The following SVIL variants were observed in gnomAD, a reference collection of about 807,000 sequenced individuals.
SVIL encodes archvillin.
SVIL carries 101 observed loss-of-function variants against 240.4 expected under a neutral mutation model. That is an observed-to-expected ratio of 0.42 (90% CI 0.36 to 0.50). The LOEUF is 0.50. SVIL is among the 20% of genes least tolerant of loss of function. The pLI is 0.01. For synonymous variants in SVIL, 999 were observed against 1,100.0 expected (o/e 0.91, Z 1.82); for missense variants, 2,512 against 2,818.7 (o/e 0.89, Z 2.46).
chr10:29,719,446 C>A (rs1389957266), intron 1 of SVIL, among the ~76,000 whole-genome samples: 1 of 152,176 alleles, frequency 6.6e-6, no homozygotes, highest in Non-Finnish European at 1.5e-5. Flanking sequence ...TCCATCCCCC[C>A]AGAAGATAAC....
intron 27 of SVIL, chr10:29,483,048 C>T (rs1947054300): frequency 6.6e-6 from 1 of 152,220 alleles, no homozygotes; most frequent in African/African-American, 2.4e-5. Flanking sequence ...ACCTCATGCT[C>T]TTATGGGACT....
Position 29,524,474 on chromosome 10 carries a change from G to T in SVIL, c.2584C>A (p.Gln862Lys). The T allele has an allele frequency of 6.2e-7, 1 of 1,614,012 alleles. No individual in the cohort carries two copies. Among genetic ancestry groups the T allele is most frequent in the Non-Finnish European group, 8.5e-7 (1 of 1,179,980 alleles). The change falls in exon 14 of 38, where the codon CAG (glutamine) becomes AAG (lysine). Residue 862 changes from glutamine to lysine, a missense_variant and splice_region_variant. This residue lies in a region of SVIL where 1,443 missense variants were observed against 1,486.6 expected (regional missense o/e 0.97). Coordinates refer to ENST00000355867, the MANE Select transcript of SVIL (RefSeq NM_021738.3). ...TQPVTLGEVE[Q>K]VQSGKLIPFS... ...CAATCGGACTATAGCACACCCACCTGCTCCACCTCTCCCAGTGTGACTGGC... is the reference window on the plus strand; with the variant it reads ...CAATCGGACTATAGCACACCCACCTTCTCCACCTCTCCCAGTGTGACTGGC...
In SVIL at chr10:29,467,532, C is replaced by T. The variant is rs187688411; in HGVS notation, c.5977+210G>A. Among the ~76,000 whole-genome samples, 44 of 152,210 alleles carry T rather than the reference C, an allele frequency of 2.9e-4. 1 individual carries two copies. Among genetic ancestry groups the T allele is most frequent in the Admixed American group, 2.4e-3 (36 of 15,290 alleles). ...CTCATCACACTAGATTTAAGACACA[C>T]TGAAGAATTAAGATAAAACATGAAT... On this transcript the variant is annotated intron_variant, in intron 33 of 37. Transcript: ENST00000355867.
intron 1 of SVIL, among the ~76,000 whole-genome samples, chr10:29,624,317 C>T (rs752803798): frequency 5.3e-5 from 8 of 152,146 alleles, no homozygotes; most frequent in Non-Finnish European, 1.0e-4. Flanking sequence ...GTGGGTGGAT[C>T]ACCTGAGGTC....
chr10:29,721,237 A>AAAAC (rs770518822), intron 1 of SVIL, among the ~76,000 whole-genome samples: 4 of 149,734 alleles, frequency 2.7e-5, no homozygotes, highest in East Asian at 2.0e-4. Context: ...AATCATTACA[A>AAAAC]AAACAAACAA....
intron 1 of SVIL, among the ~76,000 whole-genome samples, chr10:29,730,518 G>T (rs753126099): frequency 1.3e-5 from 2 of 152,180 alleles, no homozygotes; most frequent in African/African-American, 2.4e-5. Context: ...ACCCAACGGG[G>T]TTCTTGAGCA....
chr10:29,645,203 G>C (rs1958617318), intron 3 of SVIL, among the ~76,000 whole-genome samples: 1 of 152,110 alleles, frequency 6.6e-6, no homozygotes, highest in Non-Finnish European at 1.5e-5. Context: ...CTAAAAACTT[G>C]AAATTCTACA....
rs1404598572 is a variant in SVIL at position 29,529,196 on chromosome 10, A to AAAAAAAAG, written c.2246+501_2246+508dup. On this transcript the variant is annotated intron_variant, in intron 12 of 37. Transcript: ENST00000355867. ...CTCTCAAAAAAAAAAAAAAAAAAAA[A>AAAAAAAAG]AAAAAAAGAAAAAAAGAAAAGAGAT... Among the ~76,000 whole-genome samples, 78 of 142,642 alleles carry AAAAAAAAG rather than the reference A, an allele frequency of 5.5e-4. 1 individual carries two copies. Among genetic ancestry groups the AAAAAAAAG allele is most frequent in the South Asian group, 1.5e-3 (7 of 4,582 alleles). 93.6% of individuals were successfully genotyped at this position (142,642 alleles called of 152,430 possible). A position where few individuals can be genotyped will look rare whatever the true frequency, so the allele number is the denominator to read the frequency against.
intron 1 of SVIL, among the ~76,000 whole-genome samples, chr10:29,624,681 A>G (rs1957798794): frequency 6.6e-6 from 1 of 152,146 alleles, no homozygotes; most frequent in Admixed American, 6.5e-5. Context: ...AAAAAAAAAA[A>G]TGAGCTCATT....
At chr10:29,660,155 C>A (rs977714241) in intron 2 of SVIL, among the ~76,000 whole-genome samples, 6 of 151,858 alleles carry the variant, frequency 4.0e-5, no homozygotes, top group Admixed American at 3.9e-4. Flanking sequence ...CTTGTCTCTA[C>A]AAAAAAATTA....
intron 1 of SVIL, among the ~76,000 whole-genome samples, chr10:29,625,848 T>C (rs1386736464): frequency 2.0e-5 from 3 of 152,192 alleles, no homozygotes; most frequent in African/African-American, 7.2e-5. Context: ...AAATGCAAAC[T>C]GTAGGAGGAT....
chr10:29,550,934 T>G lies in SVIL; in HGVS notation c.490A>C (p.Ser164Arg). The change falls in exon 6 of 38, where the codon AGT (serine) becomes CGT (arginine). Residue 164 changes from serine to arginine, a missense_variant. Physicochemically the swap from Ser to Arg is moderately radical, Grantham distance 110. This residue lies in a region of SVIL where 1,443 missense variants were observed against 1,486.6 expected (regional missense o/e 0.97). Transcript: ENST00000355867. ...DKQEESSRDA[S>R]SLYPGTETMG... ...GTCTCGGTCCCGGGGTACAGAGAACTAGCATCTCTGCTTGACTCTTCCTGT... is the reference window on the plus strand; with the variant it reads ...GTCTCGGTCCCGGGGTACAGAGAACGAGCATCTCTGCTTGACTCTTCCTGT... 6.2e-7 allele frequency: 1 copy of G among 1,614,066 alleles called. No homozygotes were observed. The highest frequency in any genetic ancestry group is 1.1e-5 in the South Asian group (1 of 91,068).
intron 36 of SVIL, among the ~76,000 whole-genome samples, chr10:29,461,864 G>T (rs1329666438): frequency 1.3e-5 from 2 of 152,188 alleles, no homozygotes; most frequent in Non-Finnish European, 2.9e-5. Context: ...TAATTCATCA[G>T]ATTTCGTTTG....
At chr10:29,496,447 G>A (rs1299379752) in intron 18 of SVIL, 1 of 454,358 alleles carries the variant, frequency 2.2e-6, no homozygotes, top group African/African-American at 2.0e-5. Flanking sequence ...TAGCACAGAG[G>A]CCGTTAACTC....
At chr10:29,692,725 T>C (rs1961610609) in intron 1 of SVIL, among the ~76,000 whole-genome samples, 1 of 151,958 alleles carries the variant, frequency 6.6e-6, no homozygotes. Flanking sequence ...ACTCCTGGGC[T>C]CAAGGAATCC....
At chr10:29,643,509 C>A (rs1291857383) in intron 3 of SVIL, among the ~76,000 whole-genome samples, 1 of 152,138 alleles carries the variant, frequency 6.6e-6, no homozygotes, top group Non-Finnish European at 1.5e-5. Context: ...CACCGATACA[C>A]CTGTATGAAT....
chr10:29,544,308 T>C (rs1264938354), intron 6 of SVIL, among the ~76,000 whole-genome samples: 1 of 152,214 alleles, frequency 6.6e-6, no homozygotes, highest in Non-Finnish European at 1.5e-5. Context: ...AAACTGCTAA[T>C]GACCGTTCTG....
chr10:29,522,067 T>C (rs112986584), intron 16 of SVIL, among the ~76,000 whole-genome samples: 3,512 of 152,330 alleles, frequency 0.023, 144 homozygotes, highest in African/African-American at 0.081. Flanking sequence ...GAGCCAAGAT[T>C]TCAGCTCCTG....
intron 1 of SVIL, among the ~76,000 whole-genome samples, chr10:29,725,970 G>A (rs1964264783): frequency 6.6e-6 from 1 of 152,172 alleles, no homozygotes; most frequent in Non-Finnish European, 1.5e-5. Flanking sequence ...GGCCCAGGCT[G>A]GAGTGCAGTG....
Sources: gnomAD v4.1 joint callset for allele counts (sites outside exome capture counted in the v4.1 genomes callset) on GRCh38, gnomAD v4.1.1 for gene constraint, gnomAD v4.1.1 regional missense constraint, MANE v1.5 for transcripts, NCBI Gene and HGNC (gene_info 2026-07-23, HGNC 2026-07-21) for gene names.